The following STPG2 variants were observed in gnomAD, a reference collection of about 807,000 sequenced individuals.
STPG2 encodes sperm tail PG-rich repeat containing 2, also known as sperm-tail PG-rich repeat-containing protein 2.
Under a neutral mutation model 54.2 loss-of-function variants are expected in STPG2, and 56 were observed. The ratio of observed to expected loss-of-function variants is 1.03; its 90% CI spans 0.83 to 1.29. The LOEUF (loss-of-function observed/expected upper bound fraction) is 1.29, where lower values mean the gene tolerates loss of function less well. STPG2 is among the 50% of genes most tolerant of loss of function. STPG2 has a pLI of 0.00. For synonymous variants in STPG2, 200 were observed against 181.8 expected (o/e 1.10, Z -0.81); for missense variants, 596 against 544.9 (o/e 1.09, Z -0.93).
At chr4:97,493,109 A>T (rs1179398000) in intron 4 of STPG2, among the ~76,000 whole-genome samples, 1 of 151,042 alleles carries the variant, frequency 6.6e-6, no homozygotes, top group Non-Finnish European at 1.5e-5. Context: ...ACTTTGCAGG[A>T]TAGGCCACCT....
intron 4 of STPG2, among the ~76,000 whole-genome samples, chr4:97,485,395 G>T (rs911354955): frequency 6.6e-6 from 1 of 151,812 alleles, no homozygotes; most frequent in Non-Finnish European, 1.5e-5. Flanking sequence ...CAAATCAGTA[G>T]CTCTTCTATA....
At chr4:97,826,123 T>A (rs1728253169) in intron 9 of STPG2, among the ~76,000 whole-genome samples, 1 of 152,194 alleles carries the variant, frequency 6.6e-6, no homozygotes, top group Non-Finnish European at 1.5e-5. Flanking sequence ...GCTCCACACC[T>A]GGTACATAAT....
At chr4:97,477,332 C>G (rs769654041) in intron 4 of STPG2, among the ~76,000 whole-genome samples, 37 of 152,154 alleles carry the variant, frequency 2.4e-4, no homozygotes, top group Admixed American at 1.0e-3. Context: ...GCTCTGAACT[C>G]CTAATCACCT....
At chr4:97,628,121 T>G (rs903654156) in intron 10 of STPG2, among the ~76,000 whole-genome samples, 1 of 152,130 alleles carries the variant, frequency 6.6e-6, no homozygotes, top group Admixed American at 6.6e-5. Flanking sequence ...CCCAGTCAAG[T>G]TGACACATAA....
At chr4:97,947,600 G>A (rs538914888) in intron 7 of STPG2, among the ~76,000 whole-genome samples, 1 of 151,870 alleles carries the variant, frequency 6.6e-6, no homozygotes, top group Non-Finnish European at 1.5e-5. Context: ...AGTTTATTGA[G>A]GGTTTTTAAT....
intron 1 of STPG2, among the ~76,000 whole-genome samples, chr4:98,137,491 C>T (rs1740166438): frequency 6.6e-6 from 1 of 151,674 alleles, no homozygotes; most frequent in African/African-American, 2.4e-5. Context: ...TGAATATCTT[C>T]TTTTTAAGGT....
intron 8 of STPG2, among the ~76,000 whole-genome samples, chr4:97,938,873 C>G (rs1036225815): frequency 3.3e-5 from 5 of 152,028 alleles, no homozygotes; most frequent in Admixed American, 2.6e-4. Context: ...CAGTGGGAGC[C>G]TCTGACCACC....
chr4:98,022,971 T>C (rs1430050058), intron 5 of STPG2, among the ~76,000 whole-genome samples: 1 of 152,204 alleles, frequency 6.6e-6, no homozygotes, highest in Non-Finnish European at 1.5e-5. Flanking sequence ...AATTTCCTCC[T>C]GTAGCTCGGA....
At position 97,574,977 on chromosome 4, in the gene STPG2, T is replaced by C. The variant is rs11940586; in HGVS notation, c.1321-15860A>G. Among the ~76,000 whole-genome samples the C allele has an allele frequency of 8.1e-3, 1,228 of 151,586 alleles. 15 individuals are homozygous for C. Among genetic ancestry groups the C allele is most frequent in the African/African-American group, 0.028 (1,163 of 41,350 alleles). ...AAATTACAAAAAAATCACACGGAAA[T>C]ACAAAAGATCCTTAGAGACTACTAT... On this transcript the variant is annotated intron_variant, in intron 10 of 10. Coordinates refer to ENST00000295268, the MANE Select transcript of STPG2 (RefSeq NM_174952.3).
At chr4:97,569,957 G>T (rs1190187996) in intron 10 of STPG2, among the ~76,000 whole-genome samples, 1 of 151,928 alleles carries the variant, frequency 6.6e-6, no homozygotes, top group African/African-American at 2.4e-5. Context: ...AATATATCCT[G>T]AAAAGTACAT....
chr4:97,872,691 G>A (rs778280763), intron 8 of STPG2, among the ~76,000 whole-genome samples: 4 of 150,980 alleles, frequency 2.6e-5, no homozygotes, highest in Non-Finnish European at 4.5e-5. Flanking sequence ...CAGATCATAG[G>A]TTAATTAATA....
At chr4:98,039,819 T>A (rs1002253067) in intron 5 of STPG2, among the ~76,000 whole-genome samples, 1 of 151,790 alleles carries the variant, frequency 6.6e-6, no homozygotes, top group African/African-American at 2.4e-5. Context: ...TATGATGTAT[T>A]TTCCTTTGGG....
chr4:97,910,415 A>C (rs1731633325), intron 8 of STPG2, among the ~76,000 whole-genome samples: 2 of 152,250 alleles, frequency 1.3e-5, no homozygotes, highest in Non-Finnish European at 2.9e-5. Context: ...AAATCAATAT[A>C]GCAAAAGCTC....
intron 4 of STPG2, among the ~76,000 whole-genome samples, chr4:97,514,478 G>A (rs1731035077): frequency 6.6e-6 from 1 of 151,928 alleles, no homozygotes; most frequent in Admixed American, 6.6e-5. Flanking sequence ...AGGAATTGAA[G>A]TTCTTCCTAA....
At chr4:98,066,544 G>A (rs996835082) in intron 5 of STPG2, among the ~76,000 whole-genome samples, 4 of 152,048 alleles carry the variant, frequency 2.6e-5, no homozygotes, top group Admixed American at 6.6e-5. Context: ...AGCTGAGATC[G>A]TGCCACTGCA....
At chr4:97,670,383 G>C (rs1265962021) in intron 10 of STPG2, among the ~76,000 whole-genome samples, 1 of 152,158 alleles carries the variant, frequency 6.6e-6, no homozygotes, top group African/African-American at 2.4e-5. Flanking sequence ...GGAATCAATA[G>C]TGGTTGGTCA....
At chr4:97,814,577 T>G (rs946542404) in intron 9 of STPG2, among the ~76,000 whole-genome samples, 7 of 152,074 alleles carry the variant, frequency 4.6e-5, no homozygotes, top group African/African-American at 1.7e-4. Flanking sequence ...TCAACTTGAT[T>G]GGATTGAAGG....
At chr4:98,066,867 C>T (rs1456226470) in intron 5 of STPG2, among the ~76,000 whole-genome samples, 3 of 152,072 alleles carry the variant, frequency 2.0e-5, no homozygotes, top group South Asian at 2.1e-4. Flanking sequence ...TATTTACAAG[C>T]TTATTATTTC....
intron 10 of STPG2, among the ~76,000 whole-genome samples, chr4:97,628,539 T>C (rs1367701773): frequency 6.6e-6 from 1 of 152,180 alleles, no homozygotes; most frequent in East Asian, 1.9e-4. Context: ...TACTCTAATA[T>C]TTATTAAATG....
Sources: allele counts gnomAD v4.1 joint callset (sites outside exome capture counted in the v4.1 genomes callset), GRCh38; gene constraint gnomAD v4.1.1; transcripts MANE v1.5; gene names NCBI Gene and HGNC (gene_info 2026-07-23, HGNC 2026-07-21).